The following TSPAN14 variants were observed in gnomAD, a reference collection of about 807,000 sequenced individuals.
TSPAN14 encodes tetraspanin-14.
TSPAN14 carries 16 observed loss-of-function variants against 36.6 expected under a neutral mutation model. The observed-to-expected ratio is 0.44, with a 90% CI of 0.30 to 0.66. The LOEUF is 0.66. Among genes scored for constraint, TSPAN14 ranks in the 30% least tolerant of loss-of-function variants. The probability of loss-of-function intolerance (pLI) is 0.12; values close to 1 mark genes in which losing one functional copy is unlikely to be tolerated. For synonymous variants in TSPAN14, 139 were observed against 143.8 expected, an observed-to-expected ratio of 0.97 and a Z score of 0.24; for missense variants, 231 against 355.1, an observed-to-expected ratio of 0.65 and a Z score of 2.81.
rs1840530144 is a variant in TSPAN14 at position 80,509,976 on chromosome 10, A to C, written c.450+505A>C. ...GAGGAAGCTTTGTCAGATCTAGTGG[A>C]ATGTGACCTCCCTGGAATATGTGCC... On this transcript the variant is annotated intron_variant, in intron 5 of 8. Coordinates refer to ENST00000429989, the Ensembl canonical transcript of TSPAN14. This position sits in a 1 kb window ranked among gnomAD's most constrained non-coding sequence, Gnocchi z 4.7. The C allele has an allele frequency of 6.3e-6, 1 of 159,698 alleles. No individual in the cohort carries two copies. Among genetic ancestry groups the C allele is most frequent in the Non-Finnish European group, 1.4e-5 (1 of 72,162 alleles). The allele number at this position is 159,698 out of a possible 1,614,324, so 9.9% of individuals were successfully genotyped here. A position where few individuals can be genotyped will look rare whatever the true frequency, so the allele number is the denominator to read the frequency against.
exon 9 of TSPAN14, chr10:80,520,663 C>T: frequency 1.9e-6 from 1 of 533,414 alleles, no homozygotes; most frequent in Non-Finnish European, 3.8e-6. Context: ...CTTCCTTTCC[C>T]ATCCTAAAAA....
At chr10:80,475,729 G>A (rs1846834661) in intron 1 of TSPAN14, among the ~76,000 whole-genome samples, 1 of 152,144 alleles carries the variant, frequency 6.6e-6, no homozygotes, top group South Asian at 2.1e-4. Context: ...TAGGATTATA[G>A]GCGCCTGCCA....
Position 80,462,826 on chromosome 10 carries a change from T to G in TSPAN14, c.-18+8455T>G, listed in dbSNP as rs545634641. The stretch of plus-strand genomic sequence containing the variant: ...TAGAAATCTGTTGAAATAGCTTTCT[T>G]TAGTTGCTGAAACTGGGATGTGTTC... On this transcript the variant is annotated intron_variant, in intron 1 of 8. Coordinates refer to ENST00000429989, the Ensembl canonical transcript of TSPAN14. 3.3e-5 allele frequency among the ~76,000 whole-genome samples: 5 copies of G among 152,238 alleles called. No individual in the cohort carries two copies. The East Asian group carries it at 9.6e-4, about 29-fold the overall frequency.
intron 1 of TSPAN14, among the ~76,000 whole-genome samples, chr10:80,479,376 G>A (rs1847115069): frequency 6.6e-6 from 1 of 151,942 alleles, no homozygotes; most frequent in Non-Finnish European, 1.5e-5. Context: ...CCATGCCTAT[G>A]TCCTGAATGG....
At chr10:80,500,314 CTTTTTTTTTTTTTTTTTTTTTT>C (rs144759161) in intron 2 of TSPAN14, among the ~76,000 whole-genome samples, 4 of 47,860 alleles carry the variant, frequency 8.4e-5, no homozygotes, top group African/African-American at 3.4e-4. Context: ...AGGCCTTATT[CTTTTTTTTTTTTTTTTTTTTTT>C]TTTTTTTTTT....
chr10:80,474,085 T>G (rs1846716601), intron 1 of TSPAN14, among the ~76,000 whole-genome samples: 1 of 151,970 alleles, frequency 6.6e-6, no homozygotes, highest in African/African-American at 2.4e-5. Flanking sequence ...CCTTCTCAGA[T>G]GGTAGGAATG....
chr10:80,489,094 T>G, intron 1 of TSPAN14, 123 bp from the exon 2 acceptor site: 2 of 654,018 alleles, frequency 3.1e-6, no homozygotes, highest in Non-Finnish European at 5.4e-6. Flanking sequence ...GGCCTCTGCT[T>G]GGACCAGTAA....
chr10:80,500,353 A>G, intron 2 of TSPAN14, among the ~76,000 whole-genome samples: 1 of 52,874 alleles, frequency 1.9e-5, no homozygotes, highest in Non-Finnish European at 3.3e-5. Context: ...TTTTGAGACG[A>G]AGTTTTGCTC....
rs1026047943 is a variant in TSPAN14, at chr10:80,509,046, T to C, written c.280-255T>C. Reference sequence around the variant, plus strand: ...ATTGGCTTGGAGCTTTCTCACACTTTTTCACGCATTTGAGTGTTATCAGCA... The same window carrying C: ...ATTGGCTTGGAGCTTTCTCACACTTCTTCACGCATTTGAGTGTTATCAGCA... On this transcript the variant is annotated intron_variant, in intron 4 of 8. Transcript: ENST00000429989. The surrounding 1 kb of genome is among the most constrained non-coding windows in gnomAD (Gnocchi z 4.7). Among the ~76,000 whole-genome samples the C allele has an allele frequency of 6.6e-6, 1 of 152,212 alleles. No homozygotes were observed. The highest frequency in any genetic ancestry group is 2.4e-5 in the African/African-American group (1 of 41,456).
At chr10:80,478,316 A>G (rs569598292) in intron 1 of TSPAN14, among the ~76,000 whole-genome samples, 1 of 152,202 alleles carries the variant, frequency 6.6e-6, no homozygotes, top group African/African-American at 2.4e-5. Context: ...AATAGAGCAA[A>G]CAGATGAGGA....
At position 80,509,403 on chromosome 10, in the gene TSPAN14, G is replaced by A. The variant is rs147714813; in HGVS notation, c.382G>A (p.Glu128Lys). The stretch of plus-strand genomic sequence containing the variant: ...GAGGGACCGGTTCCGGGAGTTCTTC[G>A]AGAGCAACATCAAGTCCTACCGGGA... The change falls in exon 5 of 9, where the codon GAG (glutamate) becomes AAG (lysine). Residue 128 changes from glutamate (E) to lysine (K), a missense_variant. By Grantham distance (56) the Glu-to-Lys change is moderately conservative. Coordinates refer to ENST00000429989, the Ensembl canonical transcript of TSPAN14. The surrounding 1 kb of genome is among the most constrained non-coding windows in gnomAD (Gnocchi z 4.7). 3.8e-5 allele frequency: 61 copies of A among 1,614,008 alleles called. No individual in the cohort carries two copies. The highest frequency in any genetic ancestry group is 1.3e-5 in the Non-Finnish European group (15 of 1,180,042).
chr10:80,520,451 C>G, exon 9 of TSPAN14: 1 of 429,442 alleles, frequency 2.3e-6, no homozygotes, highest in South Asian at 1.8e-5. Flanking sequence ...GTGCACTCCC[C>G]ACCTAGCACT....
At chr10:80,505,318 G>A (rs1348250001) in intron 3 of TSPAN14, among the ~76,000 whole-genome samples, 1 of 152,168 alleles carries the variant, frequency 6.6e-6, no homozygotes, top group East Asian at 1.9e-4. Context: ...TGGTGCAGTT[G>A]CGGCTCCAGG....
At chr10:80,475,075 C>T (rs1270961849) in intron 1 of TSPAN14, among the ~76,000 whole-genome samples, 1 of 152,150 alleles carries the variant, frequency 6.6e-6, no homozygotes, top group East Asian at 1.9e-4. Flanking sequence ...TGCAGGCGGC[C>T]ATCCTCCCCC....
At chr10:80,513,554 T>TA (rs1240382578) in intron 6 of TSPAN14, among the ~76,000 whole-genome samples, 2 of 152,252 alleles carry the variant, frequency 1.3e-5, no homozygotes, top group Non-Finnish European at 2.9e-5. Context: ...GTATAGGTCT[T>TA]ACCTCCTAGC....
Position 80,509,240 on chromosome 10 carries a change from T to C in TSPAN14, c.280-61T>C. 3 of 1,552,276 alleles carry C rather than the reference T, an allele frequency of 1.9e-6. No individual in the cohort carries two copies. Among genetic ancestry groups the C allele is most frequent in the South Asian group, 2.4e-5 (2 of 83,778 alleles). On this transcript the variant is annotated intron_variant, in intron 4 of 8. Transcript: ENST00000429989. The surrounding 1 kb of genome is among the most constrained non-coding windows in gnomAD (Gnocchi z 4.7). ...GGTGGTTCTGGGTCAGGTGGGGTTATGTGTGTGGGGGTGCAGGCTGGTGGG... is the reference window on the plus strand; with the variant it reads ...GGTGGTTCTGGGTCAGGTGGGGTTACGTGTGTGGGGGTGCAGGCTGGTGGG...
chr10:80,456,844 C>T (rs1845755284), intron 1 of TSPAN14, among the ~76,000 whole-genome samples: 1 of 152,150 alleles, frequency 6.6e-6, no homozygotes, highest in Admixed American at 6.5e-5. Context: ...GGGTGGATCA[C>T]CTGAGGTCAG....
chr10:80,469,623 G>A (rs1166775315), intron 1 of TSPAN14, among the ~76,000 whole-genome samples: 2 of 152,154 alleles, frequency 1.3e-5, no homozygotes, highest in African/African-American at 2.4e-5. Context: ...GCCTTTTCCA[G>A]CAGTTTCTCA....
intron 5 of TSPAN14, 88 bp from the exon 6 acceptor site, chr10:80,512,056 G>T (rs1589302305): frequency 1.3e-6 from 2 of 1,578,008 alleles, no homozygotes; most frequent in African/African-American, 1.3e-5. Flanking sequence ...GGCAGACTTA[G>T]CCTGGCATCA....
Sources: allele counts gnomAD v4.1 joint callset (sites outside exome capture counted in the v4.1 genomes callset), GRCh38; gene constraint gnomAD v4.1.1; non-coding constraint Gnocchi (gnomAD v3.1); transcripts MANE v1.5; gene names NCBI Gene and HGNC (gene_info 2026-07-23, HGNC 2026-07-21).